The following KCNN2 variants were observed in gnomAD, a reference collection of about 807,000 sequenced individuals.
KCNN2 encodes the protein potassium calcium-activated channel subfamily N member 2, also known as small conductance calcium-activated potassium channel protein 2.
A neutral mutation model predicts 55.5 loss-of-function variants in KCNN2; 24 were observed. The observed-to-expected ratio is 0.43, with a 90% CI of 0.31 to 0.61. The LOEUF (loss-of-function observed/expected upper bound fraction) is 0.61, where lower values mean the gene tolerates loss of function less well. Among genes scored for constraint, KCNN2 ranks in the 20% least tolerant of loss-of-function variants. The pLI is 0.08. For synonymous variants in KCNN2, 431 were observed against 336.1 expected (o/e 1.28, Z -3.09); for missense variants, 754 against 853.6 (o/e 0.88, Z 1.45).
chr5:114,472,332 C>G (rs191833224), intron 4 of KCNN2, among the ~76,000 whole-genome samples: 1,761 of 152,284 alleles, frequency 0.012, 21 homozygotes, highest in Middle Eastern at 0.031. Context: ...CACAGAGTCT[C>G]TTTTTCAAGA....
At chr5:114,459,022 C>T (rs1230253466) in intron 3 of KCNN2, among the ~76,000 whole-genome samples, 1 of 152,242 alleles carries the variant, frequency 6.6e-6, no homozygotes. Context: ...GGAAAGATAA[C>T]TTCTGTGAAC....
At chr5:114,142,818 C>T (rs758024472) in intron 1 of KCNN2, among the ~76,000 whole-genome samples, 18 of 152,116 alleles carry the variant, frequency 1.2e-4, no homozygotes, top group African/African-American at 1.7e-4. Flanking sequence ...TTAATGCCAC[C>T]GCCATCAAGC....
intron 5 of KCNN2, among the ~76,000 whole-genome samples, chr5:114,482,395 C>T (rs572584596): frequency 7.9e-5 from 12 of 151,956 alleles, no homozygotes; most frequent in South Asian, 2.1e-4. Context: ...GGCCAGGTTG[C>T]GGAGAAAGAG....
intron 1 of KCNN2, among the ~76,000 whole-genome samples, chr5:114,145,275 G>A (rs1052866294): frequency 1.1e-4 from 16 of 152,214 alleles, no homozygotes; most frequent in African/African-American, 2.9e-4. Context: ...ACCTTTAGGA[G>A]CCCAATCAAC....
intron 1 of KCNN2, among the ~76,000 whole-genome samples, chr5:114,191,005 C>T (rs183095089): frequency 6.6e-6 from 1 of 152,162 alleles, no homozygotes; most frequent in East Asian, 1.9e-4. Flanking sequence ...AGAACACAGT[C>T]CTTGTGAGAT....
intron 2 of KCNN2, among the ~76,000 whole-genome samples, chr5:114,308,072 A>G (rs1032620009): frequency 6.6e-6 from 1 of 152,138 alleles, no homozygotes; most frequent in African/African-American, 2.4e-5. Context: ...TACTCCCGAG[A>G]AGAAACTATG....
chr5:114,280,978 T>C (rs1415457672), intron 2 of KCNN2, among the ~76,000 whole-genome samples: 1 of 152,100 alleles, frequency 6.6e-6, no homozygotes, highest in Non-Finnish European at 1.5e-5. Flanking sequence ...TTTGCCGTTA[T>C]ATTTGATATT....
At chr5:114,081,138 T>G (rs972206262) in intron 1 of KCNN2, among the ~76,000 whole-genome samples, 2 of 152,022 alleles carry the variant, frequency 1.3e-5, no homozygotes, top group Non-Finnish European at 2.9e-5. Context: ...CAAATTATGG[T>G]TGAAGAAATT....
chr5:114,102,118 T>G lies in KCNN2; in HGVS notation c.-271+45618T>G, dbSNP rs1324289069. ...TGTTGTTTCCTGACTTTTTAATAAT[T>G]GCCATTGTAACTGGCATGAGATGAT... On this transcript the variant is annotated intron_variant, in intron 1 of 10. Transcript: ENST00000512097. 2.6e-5 allele frequency among the ~76,000 whole-genome samples: 4 copies of G among 152,218 alleles called. No homozygotes were observed. In the East Asian group the frequency reaches 7.7e-4, roughly 29 times the overall value.
At chr5:114,403,968 C>T (rs1033371103) in intron 2 of KCNN2, among the ~76,000 whole-genome samples, 2 of 152,188 alleles carry the variant, frequency 1.3e-5, no homozygotes, top group East Asian at 1.9e-4. Flanking sequence ...ATAAGATTTC[C>T]TGTAAGAACG....
At chr5:114,392,439 C>G (rs1758474618) in intron 2 of KCNN2, among the ~76,000 whole-genome samples, 1 of 152,120 alleles carries the variant, frequency 6.6e-6, no homozygotes, top group African/African-American at 2.4e-5. Context: ...TCACATTCCT[C>G]CTCCTGGGTG....
chr5:114,241,816 ATATG>A (rs1181463795), intron 2 of KCNN2, among the ~76,000 whole-genome samples: 3 of 33,700 alleles, frequency 8.9e-5, no homozygotes, highest in African/African-American at 1.6e-4. Context: ...GTATATATAT[ATATG>A]TGTGTATATA....
intron 1 of KCNN2, among the ~76,000 whole-genome samples, chr5:114,206,779 A>G (rs867187701): frequency 2.7e-5 from 4 of 147,554 alleles, no homozygotes; most frequent in African/African-American, 9.9e-5. Flanking sequence ...TTTTTTGTCC[A>G]GGGAGTAGAT....
In KCNN2 at chr5:114,390,443, C is replaced by T. The variant is rs190292091; in HGVS notation, c.1219-13995C>T. 2.1e-3 allele frequency among the ~76,000 whole-genome samples: 326 copies of T among 152,210 alleles called. 2 individuals are homozygous for T. The highest frequency in any genetic ancestry group is 7.7e-3 in the African/African-American group (318 of 41,538). ...AGTGATGTCAGTCTTTGTGTTCATC[C>T]CTTCTTATTCTACCTGAAGTTAGTT... On this transcript the variant is annotated intron_variant, in intron 2 of 7. Coordinates refer to ENST00000673685, the MANE Select transcript of KCNN2 (RefSeq NM_021614.4).
At chr5:114,153,167 T>C (rs1457632637) in intron 1 of KCNN2, among the ~76,000 whole-genome samples, 1 of 152,134 alleles carries the variant, frequency 6.6e-6, no homozygotes, top group Non-Finnish European at 1.5e-5. Context: ...GGCAATTAGA[T>C]ATATGAGTCA....
intron 2 of KCNN2, among the ~76,000 whole-genome samples, chr5:114,393,732 C>G (rs1758525294): frequency 6.6e-6 from 1 of 151,718 alleles, no homozygotes; most frequent in South Asian, 2.1e-4. Flanking sequence ...TACAAATATA[C>G]CATCTCCCCT....
intron 2 of KCNN2, among the ~76,000 whole-genome samples, chr5:114,371,428 G>A (rs917790570): frequency 6.6e-6 from 1 of 152,122 alleles, no homozygotes; most frequent in Admixed American, 6.6e-5. Flanking sequence ...AAAGAGACAA[G>A]AATGAATTGT....
intron 2 of KCNN2, among the ~76,000 whole-genome samples, chr5:114,294,587 T>A (rs2150019516): frequency 6.6e-6 from 1 of 151,654 alleles, no homozygotes; most frequent in Non-Finnish European, 1.5e-5. Context: ...TTCTTTTACA[T>A]ATGCTGAGGA....
intron 5 of KCNN2, among the ~76,000 whole-genome samples, chr5:114,483,335 C>T (rs34565875): frequency 0.37 from 53,943 of 146,802 alleles, 11,196 homozygotes; most frequent in Middle Eastern, 0.48. Context: ...AGCACAGCAG[C>T]GTGATCTCGG....
Sources: allele counts gnomAD v4.1 joint callset (sites outside exome capture counted in the v4.1 genomes callset), GRCh38; gene constraint gnomAD v4.1.1; transcripts MANE v1.5; gene names NCBI Gene and HGNC (gene_info 2026-07-23, HGNC 2026-07-21).